SEC22C: variants seen among roughly 807,000 people sequenced by gnomAD.
SEC22C encodes SEC22 homolog C, vesicle trafficking protein.
In SEC22C, 29 loss-of-function variants were observed where a neutral mutation model predicts 34.7. The observed-to-expected ratio is 0.84, with a 90% CI of 0.62 to 1.14. The LOEUF (loss-of-function observed/expected upper bound fraction) is 1.14, where lower values mean the gene tolerates loss of function less well. SEC22C is among the 50% of genes most tolerant of loss of function. SEC22C has a pLI of 0.00. For synonymous variants in SEC22C, 117 were observed against 132.8 expected (o/e 0.88, Z 0.82); for missense variants, 337 against 369.0 (o/e 0.91, Z 0.71).
At position 42,573,016 on chromosome 3, in the gene SEC22C, CACT is replaced by C. The variant is rs1245251720; in HGVS notation, c.-27-3946_-27-3944del. Among the ~76,000 whole-genome samples the C allele has an allele frequency of 3.1e-4, 44 of 139,810 alleles. 1 individual carries two copies. The highest frequency in any genetic ancestry group is 9.5e-4 in the African/African-American group (33 of 34,760). The allele number at this position is 139,810 out of a possible 152,430, so 91.7% of individuals were successfully genotyped here. ...AATAGCTGGGAATACAGGCACACAC[CACT>C]ACTTTTTTTTTCTGTAGACACAGGG... On this transcript the variant is annotated intron_variant, in intron 1 of 6. Transcript: ENST00000264454.
intron 1 of SEC22C, chr3:42,590,731 T>G (rs1577372517): frequency 1.3e-6 from 1 of 752,088 alleles, no homozygotes; most frequent in African/African-American, 1.7e-5. Flanking sequence ...TTCTGGGGGC[T>G]GGGACCGAGG....
chr3:42,579,411 G>A (rs1577353381), intron 1 of SEC22C: 1 of 149,992 alleles, frequency 6.7e-6, no homozygotes, highest in Non-Finnish European at 1.5e-5. Flanking sequence ...AGACCAGCCT[G>A]GGCAACACAA....
chr3:42,566,904 T>C (rs1577324443), intron 2 of SEC22C: 1 of 265,606 alleles, frequency 3.8e-6, no homozygotes, highest in Admixed American at 4.0e-5. Context: ...AGGCTATCTA[T>C]CAATCAATCA....
chr3:42,578,138 A>C (rs1459220066), intron 1 of SEC22C, among the ~76,000 whole-genome samples: 1 of 152,206 alleles, frequency 6.6e-6, no homozygotes, highest in Non-Finnish European at 1.5e-5. Flanking sequence ...TATTTATAAC[A>C]ACCAAACCTG....
chr3:42,559,411 A>G (rs1308770721), intron 4 of SEC22C, among the ~76,000 whole-genome samples: 1 of 152,352 alleles, frequency 6.6e-6, no homozygotes, highest in East Asian at 1.9e-4. Flanking sequence ...CAAAACATAC[A>G]TTACAAAGAT....
In SEC22C at chr3:42,561,102, C is replaced by T. The variant is rs1702874097; in HGVS notation, c.526+15G>A. 6.2e-7 allele frequency: 1 copy of T among 1,606,884 alleles called. No homozygotes were observed. Among genetic ancestry groups the T allele is most frequent in the South Asian group, 1.1e-5 (1 of 90,774 alleles). ...ATATCACTTCATCAACATCAGGGAACAACAAGCCACTTACCAGGCTCCAAG... is the reference window on the plus strand; with the variant it reads ...ATATCACTTCATCAACATCAGGGAATAACAAGCCACTTACCAGGCTCCAAG... On this transcript the variant is annotated intron_variant, in intron 4 of 6. Transcript: ENST00000264454.
Position 42,599,091 on chromosome 3 carries a change from G to A in SEC22C, c.-28+1869C>T, listed in dbSNP as rs1367065481. On this transcript the variant is annotated intron_variant, in intron 1 of 6. Transcript: ENST00000417572. ...CGCCATTCTTCTGCCTCAGCCTCCC[G>A]AGTAGCTGGGACTACGGGCGACCGC... 4.6e-5 allele frequency among the ~76,000 whole-genome samples: 7 copies of A among 151,514 alleles called. No individual in the cohort carries two copies. The South Asian group carries it at 1.0e-3, about 23-fold the overall frequency.
At chr3:42,565,994 T>C (rs1358363532) in intron 2 of SEC22C, 3 of 427,522 alleles carry the variant, frequency 7.0e-6, no homozygotes, top group Admixed American at 2.7e-5. Flanking sequence ...ACTACTGAAG[T>C]ATCCAGGATT....
chr3:42,561,393 G>T, intron 3 of SEC22C, 97 bp from the exon 4 acceptor site: 2 of 1,291,602 alleles, frequency 1.5e-6, no homozygotes, highest in Non-Finnish European at 2.2e-6. Flanking sequence ...TTTTTTTGAA[G>T]ATAGGGTCTC....
At chr3:42,562,547 T>C (rs1333295068) in intron 3 of SEC22C, among the ~76,000 whole-genome samples, 1 of 152,174 alleles carries the variant, frequency 6.6e-6, no homozygotes, top group Non-Finnish European at 1.5e-5. Flanking sequence ...TGAAGGAATG[T>C]GAGGGCTATG....
At chr3:42,597,458 A>G (rs1481410741) in intron 1 of SEC22C, among the ~76,000 whole-genome samples, 1 of 151,866 alleles carries the variant, frequency 6.6e-6, no homozygotes, top group African/African-American at 2.4e-5. Context: ...CTGGAGGCTG[A>G]GGCAGGGGAA....
At chr3:42,593,282 T>C (rs1704916410) in intron 1 of SEC22C, among the ~76,000 whole-genome samples, 1 of 151,984 alleles carries the variant, frequency 6.6e-6, no homozygotes, top group African/African-American at 2.4e-5. Context: ...TAGCCAGGCG[T>C]GGTGTGTGCC....
At chr3:42,554,423 C>T (rs1460082452) in intron 6 of SEC22C, among the ~76,000 whole-genome samples, 1 of 152,192 alleles carries the variant, frequency 6.6e-6, no homozygotes, top group Non-Finnish European at 1.5e-5. Context: ...CAGCTCACCG[C>T]AACCTCCACC....
chr3:42,591,923 G>A (rs1577374628), intron 1 of SEC22C, among the ~76,000 whole-genome samples: 1 of 152,162 alleles, frequency 6.6e-6, no homozygotes, highest in East Asian at 1.9e-4. Context: ...GGAGATTAGA[G>A]CCATGGCCCC....
Position 42,551,508 on chromosome 3 carries a change from A to ATT in SEC22C, c.*1738_*1739dup, listed in dbSNP as rs1031816476. On this transcript the variant is annotated 3_prime_UTR_variant, in exon 7 of 7. Transcript: ENST00000264454. Reference sequence around the variant, plus strand: ...AGGCATGTGCCATCACATCCGGCTAATTTTTTTTTTTGTAGAGATGAATCT... The same window carrying ATT: ...AGGCATGTGCCATCACATCCGGCTAATTTTTTTTTTTTTGTAGAGATGAATCT... The ATT allele has an allele frequency of 2.4e-4, 100 of 410,970 alleles. No individual in the cohort carries two copies. Among genetic ancestry groups the ATT allele is most frequent in the Non-Finnish European group, 3.1e-4 (95 of 307,788 alleles). The allele number at this position is 410,970 out of a possible 1,614,324, so 25.5% of individuals were successfully genotyped here.
At position 42,550,797 on chromosome 3, in the gene SEC22C, T is replaced by C. The variant is rs533938882; in HGVS notation, c.*2451A>G. The C allele has an allele frequency of 2.2e-5, 22 of 984,794 alleles. No individual in the cohort carries two copies. In the East Asian group the frequency reaches 2.0e-3, roughly 92 times the overall value. The allele number at this position is 984,794 out of a possible 1,614,324, so 61.0% of individuals were successfully genotyped here. A position where few individuals can be genotyped will look rare whatever the true frequency, so the allele number is the denominator to read the frequency against. On this transcript the variant is annotated 3_prime_UTR_variant, in exon 7 of 7. Coordinates refer to ENST00000264454, the MANE Select transcript of SEC22C (RefSeq NM_032970.4). ...GCTCAGATGCCCAAAGCACCTGGGG[T>C]ACAGGTCTACATGGCAACCCAATGC...
At chr3:42,566,786 T>C in intron 2 of SEC22C, 1 of 394,920 alleles carries the variant, frequency 2.5e-6, no homozygotes, top group Non-Finnish European at 5.1e-6. Context: ...GGAGGATCAC[T>C]TGAGCCTAGG....
Position 42,552,557 on chromosome 3 carries a change from T to C in SEC22C, c.*691A>G. ...ATACCCTGCAAATAAATATAAAACA[T>C]CTCTGTACCCAAACAGTCCCACCAC... is the stretch of plus-strand genomic sequence containing the variant. On this transcript the variant is annotated 3_prime_UTR_variant, in exon 7 of 7. Transcript: ENST00000264454. 1.0e-6 allele frequency: 1 copy of C among 978,866 alleles called. No individual in the cohort carries two copies. Among genetic ancestry groups the C allele is most frequent in the Middle Eastern group, 5.3e-4 (1 of 1,902 alleles). 60.6% of individuals were successfully genotyped at this position (978,866 alleles called of 1,614,324 possible). A position where few individuals can be genotyped will look rare whatever the true frequency, so the allele number is the denominator to read the frequency against.
chr3:42,561,918 G>A (rs913929461), intron 3 of SEC22C, among the ~76,000 whole-genome samples: 3 of 151,786 alleles, frequency 2.0e-5, no homozygotes, highest in African/African-American at 2.4e-5. Flanking sequence ...CTGATAGTAC[G>A]GTACAACCCT....
Sources: allele counts gnomAD v4.1 joint callset (sites outside exome capture counted in the v4.1 genomes callset), GRCh38; gene constraint gnomAD v4.1.1; transcripts MANE v1.5; gene names NCBI Gene and HGNC (gene_info 2026-07-23, HGNC 2026-07-21).